The following GRIK4 variants were observed in gnomAD, a reference collection of about 807,000 sequenced individuals.
The protein encoded by GRIK4 is glutamate ionotropic receptor kainate type subunit 4, also known as glutamate receptor ionotropic, kainate 4.
GRIK4 carries 40 observed loss-of-function variants against 104.9 expected under a neutral mutation model. The observed-to-expected ratio is 0.38, with a 90% CI of 0.30 to 0.50. GRIK4 has a LOEUF of 0.50. Ranked by LOEUF, GRIK4 falls within the 20% of genes least tolerant of loss-of-function variation. The probability of loss-of-function intolerance (pLI) is 0.93; values close to 1 mark genes in which losing one functional copy is unlikely to be tolerated. For synonymous variants in GRIK4, 485 were observed against 524.9 expected (o/e 0.92, Z 1.04); for missense variants, 1,047 against 1,308.1 (o/e 0.80, Z 3.08).
chr11:120,638,077 G>A (rs578079337), intron 1 of GRIK4, among the ~76,000 whole-genome samples: 21 of 151,996 alleles, frequency 1.4e-4, no homozygotes, highest in Middle Eastern at 3.4e-3. Flanking sequence ...ATGGGATTTC[G>A]CCACATTGGC....
At position 120,877,172 on chromosome 11, in the gene GRIK4, C is replaced by A. The variant is rs191808133; in HGVS notation, c.1164+1929C>A. On this transcript the variant is annotated intron_variant, in intron 11 of 20. Coordinates refer to ENST00000527524, the MANE Select transcript of GRIK4 (RefSeq NM_014619.5). ...ATTGTCTGTAAGCAATAACAGCTACCATTTTGTATAATTTCTCAAATGAGA... is the reference window on the plus strand; with the variant it reads ...ATTGTCTGTAAGCAATAACAGCTACAATTTTGTATAATTTCTCAAATGAGA... Among the ~76,000 whole-genome samples, 322 of 152,300 alleles carry A rather than the reference C, an allele frequency of 2.1e-3. 1 individual carries two copies. Among genetic ancestry groups the A allele is most frequent in the African/African-American group, 7.0e-3 (290 of 41,554 alleles).
rs1456393239 is a variant in GRIK4 at position 120,940,319 on chromosome 11, A to G, written c.1477-28A>G. The G allele has an allele frequency of 1.4e-6, 2 of 1,431,672 alleles. No individual in the cohort carries two copies. Among genetic ancestry groups the G allele is most frequent in the Non-Finnish European group, 9.8e-7 (1 of 1,017,856 alleles). The allele number at this position is 1,431,672 out of a possible 1,614,324, so 88.7% of individuals were successfully genotyped here. On this transcript the variant is annotated intron_variant, in intron 13 of 20. Coordinates refer to ENST00000527524, the MANE Select transcript of GRIK4 (RefSeq NM_014619.5). The surrounding 1 kb of genome is among the most constrained non-coding windows in gnomAD (Gnocchi z 4.3). The stretch of plus-strand genomic sequence containing the variant: ...GTGCCTCTTCTCCTATGGCCACCCC[A>G]CTGACGGGCTGTCTCTGTTCTTTTC...
intron 13 of GRIK4, among the ~76,000 whole-genome samples, chr11:120,925,262 G>A (rs568600421): frequency 6.6e-6 from 1 of 152,242 alleles, no homozygotes; most frequent in African/African-American, 2.4e-5. Context: ...CCTAATTACA[G>A]GGCTGACAAG....
chr11:120,889,873 G>A (rs956013400), intron 11 of GRIK4, among the ~76,000 whole-genome samples: 1 of 152,032 alleles, frequency 6.6e-6, no homozygotes, highest in African/African-American at 2.4e-5. Context: ...CAAAGTGCTG[G>A]GATTAGAGGC....
chr11:120,533,064 G>C (rs1947938534), intron 1 of GRIK4, among the ~76,000 whole-genome samples: 1 of 152,206 alleles, frequency 6.6e-6, no homozygotes, highest in African/African-American at 2.4e-5. Flanking sequence ...GGGGCGCAGA[G>C]ACATGGAAGA....
chr11:120,927,059 A>C (rs1158753610), intron 13 of GRIK4, among the ~76,000 whole-genome samples: 1 of 151,996 alleles, frequency 6.6e-6, no homozygotes, highest in Non-Finnish European at 1.5e-5. Context: ...AAACTCCAAG[A>C]CCCCAAGGTG....
chr11:120,921,626 C>T (rs1484236256), intron 13 of GRIK4, among the ~76,000 whole-genome samples: 1 of 152,190 alleles, frequency 6.6e-6, no homozygotes, highest in Non-Finnish European at 1.5e-5. Context: ...CCTCCTGGCT[C>T]CCACAGCTGG....
chr11:120,521,451 A>T (rs1425709149), intron 1 of GRIK4, among the ~76,000 whole-genome samples: 1 of 152,138 alleles, frequency 6.6e-6, no homozygotes, highest in Non-Finnish European at 1.5e-5. Flanking sequence ...TCCCCCAAAG[A>T]GCTCACAGGG....
chr11:120,726,013 A>C (rs1320382187), intron 3 of GRIK4, among the ~76,000 whole-genome samples: 4 of 152,212 alleles, frequency 2.6e-5, no homozygotes, highest in African/African-American at 9.6e-5. Context: ...GGTATTCAGG[A>C]AGGCTTCTCT....
At chr11:120,876,175 C>CCCACCATCATCATCACCACTACAACCA (rs1361825795) in intron 11 of GRIK4, among the ~76,000 whole-genome samples, 1 of 130,548 alleles carries the variant, frequency 7.7e-6, no homozygotes, top group Non-Finnish European at 1.7e-5. Flanking sequence ...CATCACCACC[C>CCCACCATCATCATCACCACTACAACCA]CCACCATCAT....
intron 1 of GRIK4, among the ~76,000 whole-genome samples, chr11:120,523,744 A>G (rs562103542): frequency 6.6e-6 from 1 of 151,452 alleles, no homozygotes; most frequent in Admixed American, 6.6e-5. Context: ...GTGCCTTTCT[A>G]AGGAACTTCC....
intron 1 of GRIK4, among the ~76,000 whole-genome samples, chr11:120,637,358 T>C (rs1441064006): frequency 1.3e-5 from 2 of 152,162 alleles, no homozygotes; most frequent in African/African-American, 4.8e-5. Context: ...CTTGTTTTTT[T>C]TCCCCCCTGG....
In GRIK4 at chr11:120,819,622, T is replaced by C. The variant is rs914817546; in HGVS notation, c.346-133T>C. The C allele has an allele frequency of 3.9e-6, 3 of 773,880 alleles. No homozygotes were observed. The African/African-American group carries it at 5.2e-5, about 13-fold the overall frequency. 47.9% of individuals were successfully genotyped at this position (773,880 alleles called of 1,614,324 possible). A position where few individuals can be genotyped will look rare whatever the true frequency, so the allele number is the denominator to read the frequency against. ...ACGGAGTGGGTGCCCTGGGAGCTCC[T>C]TCTCCCATTGGTGTCTGGCGAAGGT... On this transcript the variant is annotated intron_variant, in intron 5 of 20. Coordinates refer to ENST00000527524, the MANE Select transcript of GRIK4 (RefSeq NM_014619.5). This position sits in a 1 kb window ranked among gnomAD's most constrained non-coding sequence, Gnocchi z 4.3.
At chr11:120,529,440 A>G (rs2252359) in intron 1 of GRIK4, among the ~76,000 whole-genome samples, 112,846 of 152,186 alleles carry the variant, frequency 0.74, 43,379 homozygotes, top group Non-Finnish European at 0.84. Flanking sequence ...AGCCCCTAGC[A>G]GTTACTACAG....
intron 1 of GRIK4, among the ~76,000 whole-genome samples, chr11:120,525,156 G>T (rs2136076646): frequency 6.6e-6 from 1 of 152,232 alleles, no homozygotes; most frequent in East Asian, 1.9e-4. Flanking sequence ...CGCTGGGAAG[G>T]GGCCCTGGGA....
At chr11:120,592,500 G>T (rs889366626) in intron 1 of GRIK4, among the ~76,000 whole-genome samples, 2 of 152,214 alleles carry the variant, frequency 1.3e-5, no homozygotes, top group Admixed American at 1.3e-4. Context: ...TGGGCTGGAA[G>T]ATTTCCTAAC....
intron 1 of GRIK4, among the ~76,000 whole-genome samples, chr11:120,641,339 G>A (rs2135200284): frequency 6.6e-6 from 1 of 151,128 alleles, no homozygotes; most frequent in South Asian, 2.1e-4. Flanking sequence ...TAAAACCCAA[G>A]TGATTTCTAT....
At chr11:120,511,914 C>G (rs1484191909) in intron 1 of GRIK4, 27 bp downstream of exon 1, 1 of 159,146 alleles carries the variant, frequency 6.3e-6, no homozygotes, top group Non-Finnish European at 1.3e-5. Flanking sequence ...CCCGCGGCGC[C>G]CCCGGCCCGC....
chr11:120,954,185 A>G (rs1432232169), intron 15 of GRIK4, among the ~76,000 whole-genome samples: 1 of 152,056 alleles, frequency 6.6e-6, no homozygotes, highest in African/African-American at 2.4e-5. Context: ...GGTTGCATCA[A>G]CCTGTCTGCA....
Sources: allele counts gnomAD v4.1 joint callset (sites outside exome capture counted in the v4.1 genomes callset), GRCh38; gene constraint gnomAD v4.1.1; non-coding constraint Gnocchi (gnomAD v3.1); transcripts MANE v1.5; gene names NCBI Gene and HGNC (gene_info 2026-07-23, HGNC 2026-07-21).